The following EPHX2 variants were observed in gnomAD, a reference collection of about 807,000 sequenced individuals.
The protein encoded by EPHX2 is epoxide hydrolase 2.
EPHX2 carries 74 observed loss-of-function variants against 78.7 expected under a neutral mutation model. The observed-to-expected ratio is 0.94, with a 90% CI of 0.78 to 1.14. The LOEUF (loss-of-function observed/expected upper bound fraction) is 1.14, where lower values mean the gene tolerates loss of function less well. EPHX2 is among the 50% of genes most tolerant of loss of function. The pLI is 0.00. For missense variants in EPHX2, 715 were observed against 702.5 expected (o/e 1.02, Z -0.20); for synonymous variants, 251 against 255.2 (o/e 0.98, Z 0.16).
chr8:27,543,883 G>C, intron 17 of EPHX2, 54 bp downstream of exon 17: 1 of 1,576,318 alleles, frequency 6.3e-7, no homozygotes, highest in Non-Finnish European at 8.7e-7. Flanking sequence ...AGAGGGCACG[G>C]GTGCTCAGAG....
intron 11 of EPHX2, among the ~76,000 whole-genome samples, chr8:27,522,812 C>T (rs1332660815): frequency 1.3e-5 from 2 of 151,748 alleles, no homozygotes; most frequent in East Asian, 3.9e-4. Context: ...AATACAAAAA[C>T]TAGCCGGGCA....
At chr8:27,536,447 T>C (rs1013276327) in intron 12 of EPHX2, among the ~76,000 whole-genome samples, 5 of 152,068 alleles carry the variant, frequency 3.3e-5, no homozygotes, top group Middle Eastern at 3.2e-3. Flanking sequence ...TTACCACCAG[T>C]CAGCCTCCAA....
chr8:27,493,648 G>A (rs62504269), intron 1 of EPHX2, among the ~76,000 whole-genome samples: 2 of 152,092 alleles, frequency 1.3e-5, no homozygotes, highest in South Asian at 4.1e-4. Context: ...CTGATTTCCT[G>A]TGGCATTGTT....
chr8:27,504,500 T>C (rs1813922811), intron 3 of EPHX2, among the ~76,000 whole-genome samples: 2 of 152,232 alleles, frequency 1.3e-5, no homozygotes, highest in Admixed American at 1.3e-4. Context: ...TATTCTGGAA[T>C]TTAGTCAAGC....
At chr8:27,505,988 ATTAAT>A (rs1290366872) in intron 4 of EPHX2, among the ~76,000 whole-genome samples, 18 of 151,852 alleles carry the variant, frequency 1.2e-4, no homozygotes, top group African/African-American at 4.4e-4. Context: ...TGTTTAACTA[ATTAAT>A]TTATTTTTTC....
chr8:27,508,831 C>T (rs1814120360), intron 5 of EPHX2, among the ~76,000 whole-genome samples: 1 of 151,506 alleles, frequency 6.6e-6, no homozygotes, highest in Non-Finnish European at 1.5e-5. Context: ...GTCGTGCAGT[C>T]ATCACCACCA....
intron 13 of EPHX2, among the ~76,000 whole-genome samples, 186 bp downstream of exon 13, chr8:27,537,041 G>T (rs919482863): frequency 6.6e-6 from 1 of 152,170 alleles, no homozygotes; most frequent in Non-Finnish European, 1.5e-5. Context: ...CAAGGTCAGA[G>T]AATGATTATA....
At chr8:27,525,067 ACT>A (rs1563355123) in intron 11 of EPHX2, among the ~76,000 whole-genome samples, 9 of 104,818 alleles carry the variant, frequency 8.6e-5, no homozygotes, top group African/African-American at 3.4e-4. Context: ...CAGTATGTGT[ACT>A]GTGTGTGTGT....
At chr8:27,544,332 C>CTTT in intron 18 of EPHX2, 88 bp downstream of exon 18, 1 of 1,599,818 alleles carries the variant, frequency 6.3e-7, no homozygotes, top group African/African-American at 1.3e-5. Flanking sequence ...ATTGTGCTGG[C>CTTT]TTTGGCCTGG....
At chr8:27,515,490 T>C in intron 6 of EPHX2, 1 of 537,408 alleles carries the variant, frequency 1.9e-6, no homozygotes, top group Non-Finnish European at 3.3e-6. Context: ...TCATAATCTT[T>C]GCAGAATTCT....
At chr8:27,534,189 T>C (rs1815136286) in intron 12 of EPHX2, among the ~76,000 whole-genome samples, 1 of 152,214 alleles carries the variant, frequency 6.6e-6, no homozygotes, top group Non-Finnish European at 1.5e-5. Flanking sequence ...ACCATTATAA[T>C]TGAATCTTAC....
chr8:27,512,169 T>C (rs1814277846), intron 6 of EPHX2: 1 of 440,714 alleles, frequency 2.3e-6, no homozygotes, highest in Non-Finnish European at 4.1e-6. Flanking sequence ...ACATCCACTA[T>C]TTATAAGGAA....
chr8:27,514,661 C>G (rs1389095312), intron 6 of EPHX2, among the ~76,000 whole-genome samples: 3 of 152,190 alleles, frequency 2.0e-5, no homozygotes, highest in Admixed American at 6.5e-5. Context: ...TCTGCTGCCT[C>G]CACCTTCCTC....
intron 17 of EPHX2, 60 bp downstream of exon 17, chr8:27,543,889 C>A: frequency 6.4e-7 from 1 of 1,564,250 alleles, no homozygotes; most frequent in Non-Finnish European, 8.8e-7. Context: ...CACGGGTGCT[C>A]AGAGGGAAGA....
At chr8:27,526,626 T>A (rs1379646693) in intron 12 of EPHX2, among the ~76,000 whole-genome samples, 1 of 152,198 alleles carries the variant, frequency 6.6e-6, no homozygotes, top group Non-Finnish European at 1.5e-5. Context: ...ATTCACAGTC[T>A]TATAGTTTTA....
chr8:27,512,099 A>AT (rs1814273657), intron 6 of EPHX2, 189 bp downstream of exon 6: 238 of 384,164 alleles, frequency 6.2e-4, no homozygotes, highest in Middle Eastern at 1.4e-3. Flanking sequence ...CCCTGTCTCA[A>AT]GAAAAAAAAA....
intron 2 of EPHX2, among the ~76,000 whole-genome samples, chr8:27,502,941 T>C (rs1332872669): frequency 1.3e-5 from 2 of 152,154 alleles, no homozygotes; most frequent in African/African-American, 2.4e-5. Context: ...AGTTCCAGTT[T>C]GGGGCTTGCT....
intron 1 of EPHX2, among the ~76,000 whole-genome samples, chr8:27,499,758 G>A (rs1234318524): frequency 6.6e-6 from 1 of 152,218 alleles, no homozygotes; most frequent in Non-Finnish European, 1.5e-5. Flanking sequence ...TTCTCTCACA[G>A]CTCTGGAGGC....
chr8:27,544,079 G>T lies in EPHX2; in HGVS notation c.1531-107G>T. On this transcript the variant is annotated intron_variant, in intron 17 of 18. Coordinates refer to ENST00000521400, the MANE Select transcript of EPHX2 (RefSeq NM_001979.6). ...CTAAATCATGCAGGGTTTGGGCAGG[G>T]TGGCCTGCGGGGAGCAGAGAGAAGG... The T allele has an allele frequency of 3.0e-6, 4 of 1,323,914 alleles. No homozygotes were observed. The South Asian group carries it at 3.7e-5, about 12-fold the overall frequency. 82.0% of individuals were successfully genotyped at this position (1,323,914 alleles called of 1,614,324 possible). A position where few individuals can be genotyped will look rare whatever the true frequency, so the allele number is the denominator to read the frequency against.
Sources: gnomAD v4.1 joint callset for allele counts (sites outside exome capture counted in the v4.1 genomes callset) on GRCh38, gnomAD v4.1.1 for gene constraint, MANE v1.5 for transcripts, NCBI Gene and HGNC (gene_info 2026-07-23, HGNC 2026-07-21) for gene names.